Variants in PROM1 observed in about 807,000 individuals in gnomAD.
PROM1 encodes prominin 1, also known as prominin-1.
PROM1 carries 105 observed loss-of-function variants against 116.9 expected under a neutral mutation model. That is an observed-to-expected ratio of 0.90 (90% CI 0.77 to 1.06). The LOEUF (loss-of-function observed/expected upper bound fraction) is 1.06. Ranked by LOEUF, PROM1 falls within the 50% of genes least tolerant of loss-of-function variation. PROM1 has a pLI of 0.00. For synonymous variants in PROM1, 393 were observed against 387.0 expected (o/e 1.02, Z -0.18); for missense variants, 1,122 against 1,045.2 (o/e 1.07, Z -1.01).
chr4:15,970,586 T>C (rs1714267661), intron 27 of PROM1, among the ~76,000 whole-genome samples: 1 of 152,050 alleles, frequency 6.6e-6, no homozygotes, highest in Non-Finnish European at 1.5e-5. Flanking sequence ...ACACACACAT[T>C]TATATAGCAA....
chr4:15,985,840 C>T lies in PROM1; in HGVS notation c.2212-12G>A. ...TACTTCTTAGTTTCCTGGAAAGAAA[C>T]AAAAGATGAGTAGAAGCATTAAAAT... On this transcript the variant is annotated splice_polypyrimidine_tract_variant and intron_variant, in intron 21 of 27. Transcript: ENST00000447510. The T allele has an allele frequency of 1.8e-6, 1 of 563,024 alleles. No homozygotes were observed. The highest frequency in any genetic ancestry group is 2.8e-5 in the South Asian group (1 of 35,700). 34.9% of individuals were successfully genotyped at this position (563,024 alleles called of 1,614,324 possible). A position where few individuals can be genotyped will look rare whatever the true frequency, so the allele number is the denominator to read the frequency against.
At chr4:16,016,942 A>G (rs542045849) in intron 9 of PROM1, among the ~76,000 whole-genome samples, 6 of 152,240 alleles carry the variant, frequency 3.9e-5, no homozygotes, top group Non-Finnish European at 8.8e-5. Context: ...TGGACCTGAG[A>G]CTGGAAAAAG....
intron 17 of PROM1, among the ~76,000 whole-genome samples, chr4:15,991,711 G>T (rs546916796): frequency 3.3e-5 from 5 of 151,744 alleles, no homozygotes; most frequent in Admixed American, 2.6e-4. Context: ...GAGGTGGGCA[G>T]ATCACAGGGT....
intron 14 of PROM1, among the ~76,000 whole-genome samples, chr4:15,999,798 T>C (rs1050866246): frequency 1.3e-5 from 2 of 150,776 alleles, no homozygotes; most frequent in African/African-American, 4.9e-5. Flanking sequence ...AAAATGTATA[T>C]ACAATGAAAG....
chr4:16,061,486 T>C (rs577480652), intron 2 of PROM1, among the ~76,000 whole-genome samples: 16 of 152,302 alleles, frequency 1.1e-4, no homozygotes, highest in African/African-American at 3.6e-4. Context: ...ATATGTAGGA[T>C]AGAGATCCCA....
chr4:15,989,117 T>C (rs1720269161), intron 19 of PROM1, among the ~76,000 whole-genome samples: 1 of 152,208 alleles, frequency 6.6e-6, no homozygotes, highest in Non-Finnish European at 1.5e-5. Context: ...AAGGCAGTTA[T>C]TGATCCCAAC....
rs564264302 is a variant in PROM1 at position 16,070,047 on chromosome 4, G to A, written c.220+5640C>T. ...AGGTCGCAAGTCTGTTCACAAATGT[G>A]TTTAGGTCACAGTTTACTATGTATG... On this transcript the variant is annotated intron_variant, in intron 2 of 27. Coordinates refer to ENST00000447510, the MANE Select transcript of PROM1 (RefSeq NM_006017.3). Among the ~76,000 whole-genome samples, 37 of 152,326 alleles carry A rather than the reference G, an allele frequency of 2.4e-4. No homozygotes were observed. In the South Asian group the frequency reaches 7.7e-3, roughly 32 times the overall value.
At chr4:15,989,942 G>A (rs1720575611) in intron 18 of PROM1, 118 bp from the exon 19 acceptor site, 1 of 752,296 alleles carries the variant, frequency 1.3e-6, no homozygotes, top group Non-Finnish European at 2.2e-6. Flanking sequence ...ATGCAATGAT[G>A]GCTGTGAGTG....
chr4:16,002,647 G>T (rs774921993), intron 13 of PROM1, among the ~76,000 whole-genome samples: 2 of 151,698 alleles, frequency 1.3e-5, no homozygotes, highest in Non-Finnish European at 2.9e-5. Flanking sequence ...AGGCTTCTGA[G>T]TCTGGGAGAG....
At chr4:16,029,121 C>T (rs1485889942) in intron 5 of PROM1, among the ~76,000 whole-genome samples, 1 of 152,178 alleles carries the variant, frequency 6.6e-6, no homozygotes, top group East Asian at 1.9e-4. Context: ...AGTAACCAGA[C>T]CTCATTCACA....
At chr4:16,059,896 T>C (rs1035787628) in intron 2 of PROM1, among the ~76,000 whole-genome samples, 3 of 152,076 alleles carry the variant, frequency 2.0e-5, no homozygotes, top group Non-Finnish European at 4.4e-5. Flanking sequence ...TAGGGGTAGA[T>C]CTAAAAAAAT....
At chr4:16,026,326 T>C (rs1051308252) in intron 5 of PROM1, among the ~76,000 whole-genome samples, 2 of 152,266 alleles carry the variant, frequency 1.3e-5, no homozygotes, top group Admixed American at 6.5e-5. Context: ...TAGAAGGTGC[T>C]AATTGCCAAG....
chr4:16,005,201 G>T (rs1725101339), intron 13 of PROM1, among the ~76,000 whole-genome samples: 2 of 152,034 alleles, frequency 1.3e-5, no homozygotes, highest in African/African-American at 4.8e-5. Flanking sequence ...GGCCTCAAGT[G>T]ATCTGCCTGT....
Position 16,018,434 on chromosome 4 carries a change from G to C in PROM1, c.891C>G (p.Ser297Arg). Reference sequence around the variant, plus strand: ...GAGGGTCATTGAGAGATGACCGCAGGCTAGTTTTCACGCTGGTCAGACTGC... The same window carrying C: ...GAGGGTCATTGAGAGATGACCGCAGCCTAGTTTTCACGCTGGTCAGACTGC... ...LSSSLTSVKT[S>R]LRSSLNDPLC... The change falls in exon 9 of 28, where the codon AGC (serine) becomes AGG (arginine). Residue 297 changes from serine (S) to arginine (R), a missense_variant. Coordinates refer to ENST00000447510, the MANE Select transcript of PROM1 (RefSeq NM_006017.3). The C allele has an allele frequency of 6.2e-7, 1 of 1,613,802 alleles. No individual in the cohort carries two copies. Among genetic ancestry groups the C allele is most frequent in the Non-Finnish European group, 8.5e-7 (1 of 1,179,894 alleles).
chr4:15,992,222 A>T, intron 17 of PROM1, 26 bp downstream of exon 17: 11 of 1,607,692 alleles, frequency 6.8e-6, no homozygotes, highest in Non-Finnish European at 9.3e-6. Flanking sequence ...CTCCTAAAGG[A>T]TCAAGCATGA....
At chr4:16,005,055 T>C (rs1725051230) in intron 13 of PROM1, among the ~76,000 whole-genome samples, 1 of 149,892 alleles carries the variant, frequency 6.7e-6, no homozygotes, top group Admixed American at 6.7e-5. Flanking sequence ...CTTTGCCTCC[T>C]GGGTTCAGGT....
intron 2 of PROM1, among the ~76,000 whole-genome samples, chr4:16,042,269 A>G (rs890331926): frequency 2.0e-5 from 3 of 152,238 alleles, no homozygotes; most frequent in African/African-American, 7.2e-5. Context: ...TCCAGTACTT[A>G]TGCCTTTCTA....
At chr4:16,000,667 T>C (rs1192109030) in intron 13 of PROM1, 48 bp from the exon 14 acceptor site, 2 of 1,427,232 alleles carry the variant, frequency 1.4e-6, no homozygotes, top group South Asian at 1.3e-5. Context: ...TGATTCAATA[T>C]TACCTACTGA....
chr4:16,044,765 T>C (rs1489904192), intron 2 of PROM1, among the ~76,000 whole-genome samples: 1 of 152,214 alleles, frequency 6.6e-6, no homozygotes, highest in Non-Finnish European at 1.5e-5. Context: ...TCCAGGCATA[T>C]AAGACTTTCT....
Sources: gnomAD v4.1 joint callset for allele counts (sites outside exome capture counted in the v4.1 genomes callset) on GRCh38, gnomAD v4.1.1 for gene constraint, MANE v1.5 for transcripts, NCBI Gene and HGNC (gene_info 2026-07-23, HGNC 2026-07-21) for gene names.